ANO5: variants seen among roughly 807,000 people sequenced by gnomAD.
The protein encoded by ANO5 is anoctamin 5, also known as anoctamin-5.
ANO5 carries 109 observed loss-of-function variants against 121.0 expected under a neutral mutation model. The ratio of observed to expected loss-of-function variants is 0.90; its 90% CI spans 0.77 to 1.06. The LOEUF is 1.06. Among genes scored for constraint, ANO5 ranks in the 50% least tolerant of loss-of-function variants. The pLI is 0.00. For missense variants in ANO5, 1,064 were observed against 1,078.5 expected (o/e 0.99, Z 0.19); for synonymous variants, 406 against 359.9 (o/e 1.13, Z -1.45).
At chr11:22,233,111 A>G in intron 7 of ANO5, among the ~76,000 whole-genome samples, 1 of 151,978 alleles carries the variant, frequency 6.6e-6, no homozygotes, top group East Asian at 1.9e-4. Context: ...TTATTCCAAG[A>G]AAAAACAAAA....
intron 7 of ANO5, among the ~76,000 whole-genome samples, chr11:22,231,656 G>C (rs1853045252): frequency 1.3e-5 from 2 of 151,936 alleles, no homozygotes; most frequent in South Asian, 4.2e-4. Context: ...AACTCAGTTT[G>C]CAAGCTGGTA....
intron 9 of ANO5, among the ~76,000 whole-genome samples, chr11:22,241,016 T>A (rs149927832): frequency 6.6e-6 from 1 of 151,878 alleles, no homozygotes; most frequent in East Asian, 1.9e-4. Flanking sequence ...GCTGTCCCAA[T>A]TTTTTTATAT....
At chr11:22,229,877 AC>A (rs951093998) in intron 7 of ANO5, among the ~76,000 whole-genome samples, 3 of 151,922 alleles carry the variant, frequency 2.0e-5, no homozygotes, top group African/African-American at 7.2e-5. Context: ...CAAAGTCCCT[AC>A]CTTTTTATCC....
intron 21 of ANO5, among the ~76,000 whole-genome samples, chr11:22,276,551 C>A (rs1173211404): frequency 6.6e-6 from 1 of 151,694 alleles, no homozygotes; most frequent in Non-Finnish European, 1.5e-5. Context: ...TTAATTAGAC[C>A]TTATCGCTCA....
chr11:22,224,263 T>A (rs1852752828), intron 5 of ANO5, among the ~76,000 whole-genome samples: 1 of 152,014 alleles, frequency 6.6e-6, no homozygotes, highest in African/African-American at 2.4e-5. Flanking sequence ...TTATATACAT[T>A]AATCATACAA....
Position 22,262,297 on chromosome 11 carries a change from A to T in ANO5, c.1799A>T (p.Glu600Val), listed in dbSNP as rs747073743. Residue 600 changes from glutamate (E) to valine (V), a missense_variant and splice_region_variant, in exon 16 of 22, where the codon GAG (glutamate) becomes GTG (valine). Transcript: ENST00000324559. ...TYLFNEWRSE[E>V]CDPGGCLIEL... ...TTATTTAATGAGTGGAGAAGTGAAG[A>T]GGTAAGAATTTCCTTGAGAGTTGAG... 6.2e-7 allele frequency: 1 copy of T among 1,613,514 alleles called. No homozygotes were observed. Among genetic ancestry groups the T allele is most frequent in the South Asian group, 1.1e-5 (1 of 91,074 alleles).
At chr11:22,218,220 C>G (rs753754372) in intron 3 of ANO5, 26 bp from the exon 4 acceptor site, 6 of 1,612,658 alleles carry the variant, frequency 3.7e-6, no homozygotes, top group Non-Finnish European at 5.1e-6. Flanking sequence ...GCAGGAAGTG[C>G]TAATTCTTTA....
intron 14 of ANO5, 84 bp from the exon 15 acceptor site, chr11:22,259,435 G>GAACAGAATAATCAATATGTTAGATATA: frequency 7.3e-7 from 1 of 1,361,184 alleles, no homozygotes; most frequent in Non-Finnish European, 1.0e-6. Context: ...ATAATGAGAT[G>GAACAGAATAATCAATATGTTAGATATA]AACAGAATAA....
chr11:22,246,043 T>C (rs1853604221), intron 9 of ANO5, among the ~76,000 whole-genome samples: 1 of 152,168 alleles, frequency 6.6e-6, no homozygotes, highest in Non-Finnish European at 1.5e-5. Context: ...TCCCTTGCCC[T>C]GCGCAGCCTA....
In ANO5 at chr11:22,281,114, A is replaced by G. The variant is rs1486879606; in HGVS notation, c.*1349A>G. 1 of 152,054 alleles carries G rather than the reference A, an allele frequency of 6.6e-6. No homozygotes were observed. Among genetic ancestry groups the G allele is most frequent in the Non-Finnish European group, 1.5e-5 (1 of 67,898 alleles). The allele number at this position is 152,054 out of a possible 1,614,324, so 9.4% of individuals were successfully genotyped here. A position where few individuals can be genotyped will look rare whatever the true frequency, so the allele number is the denominator to read the frequency against. On this transcript the variant is annotated 3_prime_UTR_variant, in exon 22 of 22. Coordinates refer to ENST00000324559, the MANE Select transcript of ANO5 (RefSeq NM_213599.3). ...TATACACACACACACATCTATATAT[A>G]TAATTATTAGCACTAGAGGGATATA...
intron 19 of ANO5, 59 bp downstream of exon 19, chr11:22,273,048 A>T: frequency 6.9e-7 from 1 of 1,445,084 alleles, no homozygotes; most frequent in South Asian, 1.1e-5. Context: ...GTGTGGGGAG[A>T]TGTGAATGAT....
rs763519454 is a variant in ANO5 at position 22,276,058 on chromosome 11, T to A, written c.2415-36T>A. ...TCTCTAGTTGAAGCTATAACTATTA[T>A]TATTTTTTTTTTTTGCATTTACTTC... is the stretch of plus-strand genomic sequence containing the variant. On this transcript the variant is annotated intron_variant, in intron 20 of 21. Coordinates refer to ENST00000324559, the MANE Select transcript of ANO5 (RefSeq NM_213599.3). 6 of 1,265,482 alleles carry A rather than the reference T, an allele frequency of 4.7e-6. No homozygotes were observed. The Admixed American group carries it at 6.0e-5, about 13-fold the overall frequency. 78.4% of individuals were successfully genotyped at this position (1,265,482 alleles called of 1,614,324 possible).
chr11:22,239,777 C>A, intron 9 of ANO5, 93 bp downstream of exon 9: 1 of 960,804 alleles, frequency 1.0e-6, no homozygotes, highest in Non-Finnish European at 1.6e-6. Flanking sequence ...CTATTTTCTC[C>A]CACTACATTT....
In ANO5 at chr11:22,254,234, A is replaced by T. The variant is rs1298778229; in HGVS notation, c.1181-1137A>T. The stretch of plus-strand genomic sequence containing the variant: ...AGATGACTGTAATGATAAAAATATA[A>T]TTAGGATTTTTAAAAATGTATGGAT... On this transcript the variant is annotated intron_variant, in intron 12 of 21. Transcript: ENST00000324559. 3.3e-5 allele frequency among the ~76,000 whole-genome samples: 5 copies of T among 152,266 alleles called. No individual in the cohort carries two copies. The East Asian group carries it at 9.6e-4, about 29-fold the overall frequency.
Position 22,212,326 on chromosome 11 carries a change from T to G in ANO5, c.138+1012T>G, listed in dbSNP as rs377683385. Reference sequence around the variant, plus strand: ...AACAAAGTGTTTTCAGAGAAATCTTTCTTCTTTGTCCTCTCAGTCTTTTTG... The same window carrying G: ...AACAAAGTGTTTTCAGAGAAATCTTGCTTCTTTGTCCTCTCAGTCTTTTTG... On this transcript the variant is annotated intron_variant, in intron 3 of 21. Coordinates refer to ENST00000324559, the MANE Select transcript of ANO5 (RefSeq NM_213599.3). 2.3e-3 allele frequency among the ~76,000 whole-genome samples: 355 copies of G among 152,064 alleles called. 1 individual carries two copies. Among genetic ancestry groups the G allele is most frequent in the African/African-American group, 8.2e-3 (341 of 41,544 alleles).
chr11:22,258,124 T>C (rs1564940971), intron 14 of ANO5, among the ~76,000 whole-genome samples: 1 of 152,172 alleles, frequency 6.6e-6, no homozygotes, highest in Non-Finnish European at 1.5e-5. Flanking sequence ...TATTTCCTGC[T>C]CTTCCTTTTT....
chr11:22,199,239 TAAC>T (rs1257095754), intron 1 of ANO5, among the ~76,000 whole-genome samples: 2 of 152,138 alleles, frequency 1.3e-5, no homozygotes, highest in African/African-American at 2.4e-5. Context: ...AATAGAATAA[TAAC>T]AACAATATCA....
rs1331974283 is a variant in ANO5 at position 22,281,350 on chromosome 11, GGA to G, written c.*1586_*1587del. The G allele has an allele frequency of 1.3e-5, 2 of 151,948 alleles. No homozygotes were observed. The highest frequency in any genetic ancestry group is 4.8e-5 in the African/African-American group (2 of 41,406). 9.4% of individuals were successfully genotyped at this position (151,948 alleles called of 1,614,324 possible). On this transcript the variant is annotated 3_prime_UTR_variant, in exon 22 of 22. Coordinates refer to ENST00000324559, the MANE Select transcript of ANO5 (RefSeq NM_213599.3). Reference sequence around the variant, plus strand: ...ATCAATAGTAAGCATACAGAACTGGGGATTATGGATTTTATAAACTATGAGAC... The same window carrying G: ...ATCAATAGTAAGCATACAGAACTGGGTTATGGATTTTATAAACTATGAGAC...
intron 9 of ANO5, among the ~76,000 whole-genome samples, 196 bp downstream of exon 9, chr11:22,239,880 T>C (rs764677402): frequency 1.3e-5 from 2 of 152,086 alleles, no homozygotes; most frequent in Non-Finnish European, 2.9e-5. Context: ...AGCGATAGTA[T>C]GGTGGTTAGG....
Sources: gnomAD v4.1 joint callset for allele counts (sites outside exome capture counted in the v4.1 genomes callset) on GRCh38, gnomAD v4.1.1 for gene constraint, MANE v1.5 for transcripts, NCBI Gene and HGNC (gene_info 2026-07-23, HGNC 2026-07-21) for gene names.